Variants in CCDC178 observed in about 807,000 individuals in gnomAD.
CCDC178 encodes coiled-coil domain containing 178, also known as coiled-coil domain-containing protein 178.
Under a neutral mutation model 117.4 loss-of-function variants are expected in CCDC178, and 126 were observed. That is an observed-to-expected ratio of 1.07 (90% CI 0.93 to 1.24). The LOEUF is 1.24. Ranked by LOEUF, CCDC178 falls within the 50% of genes most tolerant of loss-of-function variation. The pLI is 0.00. For missense variants in CCDC178, 1,030 were observed against 986.9 expected (o/e 1.04, Z -0.59); for synonymous variants, 283 against 313.4 (o/e 0.90, Z 1.02).
intron 14 of CCDC178, among the ~76,000 whole-genome samples, chr18:33,247,980 T>C (rs1458089792): frequency 6.6e-6 from 1 of 151,716 alleles, no homozygotes; most frequent in Non-Finnish European, 1.5e-5. Context: ...ATTTCTAGAC[T>C]TGAGAAAAAA....
intron 20 of CCDC178, among the ~76,000 whole-genome samples, chr18:33,157,356 T>C (rs567742129): frequency 7.0e-4 from 106 of 152,320 alleles, no homozygotes; most frequent in Non-Finnish European, 1.3e-3. Flanking sequence ...GAAGTGCTGA[T>C]AAAACCAGTT....
chr18:33,358,252 G>A (rs2063083458), intron 6 of CCDC178, among the ~76,000 whole-genome samples: 2 of 151,842 alleles, frequency 1.3e-5, no homozygotes. Context: ...ACTGAGGAAT[G>A]CAATTATGTT....
chr18:32,985,776 C>G (rs892171508), intron 21 of CCDC178, among the ~76,000 whole-genome samples: 9 of 151,962 alleles, frequency 5.9e-5, no homozygotes, highest in African/African-American at 2.2e-4. Flanking sequence ...TTCTACCACA[C>G]TCTGGAAATT....
chr18:33,097,146 A>G (rs1022210339), intron 20 of CCDC178, among the ~76,000 whole-genome samples: 1 of 152,110 alleles, frequency 6.6e-6, no homozygotes, highest in Admixed American at 6.6e-5. Flanking sequence ...GCTAGAAATG[A>G]TGCTAAGTGA....
At chr18:33,181,089 T>A (rs2058728629) in intron 20 of CCDC178, among the ~76,000 whole-genome samples, 1 of 151,900 alleles carries the variant, frequency 6.6e-6, no homozygotes, top group Admixed American at 6.6e-5. Context: ...GTACAATTGA[T>A]TGCGTGGCCA....
chr18:33,006,542 T>G (rs1220938899), intron 21 of CCDC178, among the ~76,000 whole-genome samples: 1 of 151,880 alleles, frequency 6.6e-6, no homozygotes. Context: ...AAATACTCCT[T>G]GTACCACTGA....
intron 15 of CCDC178, among the ~76,000 whole-genome samples, chr18:33,227,641 GA>G (rs2059323394): frequency 6.7e-6 from 1 of 149,600 alleles, no homozygotes; most frequent in Non-Finnish European, 1.5e-5. Context: ...AAATGTCTCT[GA>G]TACCCCTACT....
intron 14 of CCDC178, among the ~76,000 whole-genome samples, chr18:33,253,434 A>T (rs1009237983): frequency 1.3e-5 from 2 of 151,880 alleles, no homozygotes; most frequent in Non-Finnish European, 2.9e-5. Flanking sequence ...TTTCATGGGG[A>T]TATTCACTAG....
At chr18:33,371,113 ATTTTTGGTATC>A (rs1372602575) in intron 5 of CCDC178, among the ~76,000 whole-genome samples, 1 of 152,000 alleles carries the variant, frequency 6.6e-6, no homozygotes, top group African/African-American at 2.4e-5. Context: ...GATGGTAAAT[ATTTTTGGTATC>A]TTCATTTAAA....
chr18:33,391,925 G>A (rs557254057), intron 4 of CCDC178, among the ~76,000 whole-genome samples: 10 of 151,726 alleles, frequency 6.6e-5, no homozygotes, highest in African/African-American at 1.2e-4. Context: ...GTGCAATGGC[G>A]TGATCTCGGT....
intron 4 of CCDC178, among the ~76,000 whole-genome samples, chr18:33,390,330 T>C (rs896998815): frequency 1.2e-4 from 18 of 151,994 alleles, no homozygotes; most frequent in African/African-American, 4.3e-4. Flanking sequence ...ACTCCAGTCC[T>C]AAGCTTTTAA....
intron 6 of CCDC178, 95 bp downstream of exon 6, chr18:33,369,954 TA>T: frequency 9.7e-7 from 1 of 1,031,660 alleles, no homozygotes; most frequent in Non-Finnish European, 1.4e-6. Context: ...AATTATCATT[TA>T]AAAAGTCCAG....
chr18:33,241,435 T>A (rs1458545233), intron 15 of CCDC178, among the ~76,000 whole-genome samples: 1 of 6,576 alleles, frequency 1.5e-4, no homozygotes, highest in East Asian at 0.12. Context: ...TGATCGTGTG[T>A]GTGTGTGTGT....
rs1389461791 is a variant in CCDC178 at position 32,964,989 on chromosome 18, A to G, written c.2523+9558T>C. ...GTTTGTTTACTGTCTTTTTTCCACA[A>G]CTGGAAGGTAAGTTCCATTAAGTTA... On this transcript the variant is annotated intron_variant, in intron 22 of 22. Coordinates refer to ENST00000383096, the MANE Select transcript of CCDC178 (RefSeq NM_001105528.4). Among the ~76,000 whole-genome samples the G allele has an allele frequency of 2.6e-5, 4 of 151,836 alleles. No homozygotes were observed. In the East Asian group the frequency reaches 7.7e-4, roughly 29 times the overall value.
chr18:33,052,796 A>T (rs9961716), intron 21 of CCDC178, among the ~76,000 whole-genome samples: 17,657 of 152,030 alleles, frequency 0.12, 1,704 homozygotes, highest in African/African-American at 0.26. Context: ...ATTTAAAAAA[A>T]TTTTTTTTAA....
intron 22 of CCDC178, among the ~76,000 whole-genome samples, chr18:32,944,080 G>C (rs528799574): frequency 3.9e-4 from 59 of 151,862 alleles, no homozygotes; most frequent in African/African-American, 1.4e-3. Context: ...TTTTTTTTCA[G>C]GGAAGGATCC....
intron 5 of CCDC178, among the ~76,000 whole-genome samples, chr18:33,372,781 A>G (rs925621745): frequency 1.3e-5 from 2 of 152,186 alleles, no homozygotes; most frequent in African/African-American, 4.8e-5. Flanking sequence ...CTTACTGCTC[A>G]ATGAATTTGA....
chr18:33,326,727 T>G (rs2062589455), intron 10 of CCDC178, among the ~76,000 whole-genome samples: 1 of 151,938 alleles, frequency 6.6e-6, no homozygotes, highest in African/African-American at 2.4e-5. Flanking sequence ...GTCTGCTAAC[T>G]TATATTGCAT....
intron 2 of CCDC178, among the ~76,000 whole-genome samples, chr18:33,414,101 CACTAGAAA>C (rs2063899002): frequency 6.6e-6 from 1 of 152,084 alleles, no homozygotes; most frequent in Non-Finnish European, 1.5e-5. Context: ...GATAATATAT[CACTAGAAA>C]ACTTTGCTTA....
Sources: allele counts gnomAD v4.1 joint callset (sites outside exome capture counted in the v4.1 genomes callset), GRCh38; gene constraint gnomAD v4.1.1; transcripts MANE v1.5; gene names NCBI Gene and HGNC (gene_info 2026-07-23, HGNC 2026-07-21).